The following ZBTB49 variants were observed in gnomAD, a reference collection of about 807,000 sequenced individuals.
The protein encoded by ZBTB49 is zinc finger and BTB domain containing 49.
In ZBTB49, 43 loss-of-function variants were observed where a neutral mutation model predicts 57.5. That is an observed-to-expected ratio of 0.75 (90% confidence interval 0.59 to 0.97). ZBTB49 has a LOEUF of 0.97. Among genes scored for constraint, ZBTB49 ranks in the 50% least tolerant of loss-of-function variants. ZBTB49 has a pLI of 0.00. For missense variants in ZBTB49, 938 were observed against 947.7 expected (o/e 0.99, Z 0.13); for synonymous variants, 369 against 362.1 (o/e 1.02, Z -0.22).
chr4:4,316,579 TG>T (rs1721205757), intron 7 of ZBTB49, among the ~76,000 whole-genome samples: 1 of 152,146 alleles, frequency 6.6e-6, no homozygotes, highest in East Asian at 1.9e-4. Context: ...GACAAGTAAT[TG>T]AGATGCCTAT....
At chr4:4,305,599 A>G (rs1180203402) in intron 3 of ZBTB49, among the ~76,000 whole-genome samples, 2 of 152,242 alleles carry the variant, frequency 1.3e-5, no homozygotes, top group African/African-American at 2.4e-5. Flanking sequence ...AGAGGAGCAC[A>G]TCTCCCAAAA....
Position 4,320,754 on chromosome 4 carries a change from G to A in ZBTB49, c.1736G>A (p.Arg579Gln), listed in dbSNP as rs756545398. The change falls in exon 8 of 8, where the codon CGG becomes CAG. Residue 579 changes from arginine (R) to glutamine (Q), a missense_variant. Physicochemically the swap from Arg to Gln is conservative, Grantham distance 43. Coordinates refer to ENST00000337872, the MANE Select transcript of ZBTB49 (RefSeq NM_145291.4). ...TGCTTTACCCGCTCTGCGGTGCTCC[G>A]GCGGCACAAGAAGATGCACTGCAAA... is the stretch of plus-strand genomic sequence containing the variant. ...NKCFTRSAVLRRHKKMHCKAG... is the reference protein window; with the variant it reads ...NKCFTRSAVLQRHKKMHCKAG... 17 of 1,614,218 alleles carry A rather than the reference G, an allele frequency of 1.1e-5. No homozygotes were observed. Among genetic ancestry groups the A allele is most frequent in the South Asian group, 8.8e-5 (8 of 91,082 alleles).
chr4:4,303,101 T>G lies in ZBTB49; in HGVS notation c.1255+10T>G. 1.9e-6 allele frequency: 3 copies of G among 1,577,390 alleles called. No homozygotes were observed. The highest frequency in any genetic ancestry group is 2.6e-6 in the Non-Finnish European group (3 of 1,160,332). On this transcript the variant is annotated intron_variant, in intron 3 of 7. Transcript: ENST00000337872. Reference sequence around the variant, plus strand: ...AAACGGTCTCATACAGGTAACTGATTCAGTACCCACAGGCAGAAGGGAAGG... The same window carrying G: ...AAACGGTCTCATACAGGTAACTGATGCAGTACCCACAGGCAGAAGGGAAGG...
chr4:4,299,853 G>A, intron 1 of ZBTB49, 74 bp from the exon 2 acceptor site: 5 of 1,375,606 alleles, frequency 3.6e-6, no homozygotes, highest in Non-Finnish European at 5.0e-6. Context: ...AGATCAATCA[G>A]TAAGTTTCAG....
Position 4,303,087 on chromosome 4 carries a change from T to C in ZBTB49, c.1251T>C (p.His417=). The C allele has an allele frequency of 2.5e-6, 4 of 1,596,360 alleles. No individual in the cohort carries two copies. Among genetic ancestry groups the C allele is most frequent in the Non-Finnish European group, 3.4e-6 (4 of 1,169,800 alleles). ...ACTTGGAGCTTCACAAACGGTCTCA[T>C]ACAGGTAACTGATTCAGTACCCACA... The part of the protein sequence containing the change: ...PSNLELHKRS[H]TGEKPFECNI... Residue 417 remains histidine, a synonymous_variant, in exon 3 of 8, where the codon CAT becomes CAC. Transcript: ENST00000337872.
chr4:4,303,825 A>G (rs572409788), intron 3 of ZBTB49, among the ~76,000 whole-genome samples: 42 of 150,914 alleles, frequency 2.8e-4, no homozygotes, highest in African/African-American at 9.8e-4. Flanking sequence ...GTTATACAAT[A>G]CATATATATT....
rs774750202 is a variant in ZBTB49 at position 4,300,035 on chromosome 4, G to A, written c.90G>A (p.Val30=). The A allele has an allele frequency of 4.0e-5, 65 of 1,614,038 alleles. No homozygotes were observed. Among genetic ancestry groups the A allele is most frequent in the Non-Finnish European group, 5.3e-5 (63 of 1,180,032 alleles). ...IQGLLCDCML[V]VKGVCFKAHK... ...GCCTGCTTTGTGACTGTATGTTGGTGGTAAAAGGAGTCTGCTTTAAAGCGC... is the reference window on the plus strand; with the variant it reads ...GCCTGCTTTGTGACTGTATGTTGGTAGTAAAAGGAGTCTGCTTTAAAGCGC... The change falls in exon 2 of 8, where the codon GTG becomes GTA. Residue 30 remains valine (V), a synonymous_variant. Coordinates refer to ENST00000337872, the MANE Select transcript of ZBTB49 (RefSeq NM_145291.4).
intron 4 of ZBTB49, among the ~76,000 whole-genome samples, chr4:4,308,823 GT>G (rs1720855488): frequency 6.6e-6 from 1 of 152,216 alleles, no homozygotes; most frequent in Non-Finnish European, 1.5e-5. Context: ...CGGGAACAGT[GT>G]GGGCAAAGAA....
At chr4:4,297,269 C>T (rs917865912) in intron 1 of ZBTB49, among the ~76,000 whole-genome samples, 3 of 152,074 alleles carry the variant, frequency 2.0e-5, no homozygotes, top group Non-Finnish European at 4.4e-5. Context: ...AGGGTTTCAC[C>T]ATGTTGGCCA....
chr4:4,303,752 C>CTGTGTG (rs1383765946), intron 3 of ZBTB49, among the ~76,000 whole-genome samples: 1 of 77,600 alleles, frequency 1.3e-5, no homozygotes, highest in African/African-American at 4.9e-5. Flanking sequence ...CTCTCTCTCT[C>CTGTGTG]TCTCTCTCTG....
chr4:4,300,328 G>A (rs1720421036), intron 2 of ZBTB49, among the ~76,000 whole-genome samples: 1 of 151,966 alleles, frequency 6.6e-6, no homozygotes, highest in Non-Finnish European at 1.5e-5. Context: ...AAATGAATTT[G>A]GGATGATTGA....
chr4:4,294,905 G>GTA, intron 1 of ZBTB49, among the ~76,000 whole-genome samples: 1 of 151,060 alleles, frequency 6.6e-6, no homozygotes, highest in East Asian at 1.9e-4. Flanking sequence ...GTGTGTGTGT[G>GTA]TGTGTGTGTG....
Position 4,302,209 on chromosome 4 carries a change from C to T in ZBTB49, c.373C>T (p.Pro125Ser), listed in dbSNP as rs372830091. Residue 125 changes from proline (P) to serine (S), a missense_variant, in exon 3 of 8, where the codon CCA becomes TCA. Physicochemically the swap from Pro to Ser is moderately conservative, Grantham distance 74 (BLOSUM62 -1). Coordinates refer to ENST00000337872, the MANE Select transcript of ZBTB49 (RefSeq NM_145291.4). ...TTTAAAATCAGCCACTGTAGTACAG[C>T]CACCTGGCATGCCTTGTAATAGTAC... The part of the protein sequence containing the change: ...TFLKSATVVQ[P>S]PGMPCNSTLS... The T allele has an allele frequency of 6.2e-7, 1 of 1,614,236 alleles. No homozygotes were observed. Among genetic ancestry groups the T allele is most frequent in the Non-Finnish European group, 8.5e-7 (1 of 1,180,042 alleles).
At chr4:4,292,150 G>A (rs982995871) in intron 1 of ZBTB49, among the ~76,000 whole-genome samples, 1 of 152,064 alleles carries the variant, frequency 6.6e-6, no homozygotes, top group Non-Finnish European at 1.5e-5. Flanking sequence ...GTGTGGTGGT[G>A]CATGCCTGTA....
At chr4:4,299,803 GTGTGTGTGAGAGAGAAAC>G in intron 1 of ZBTB49, 106 bp from the exon 2 acceptor site, 1 of 742,542 alleles carries the variant, frequency 1.3e-6, no homozygotes, top group Non-Finnish European at 2.2e-6. Flanking sequence ...GTGTGTGTGT[GTGTGTGTGAGAGAGAAAC>G]TGTGATGAGA....
At chr4:4,316,537 A>G (rs1400910951) in intron 7 of ZBTB49, among the ~76,000 whole-genome samples, 1 of 152,170 alleles carries the variant, frequency 6.6e-6, no homozygotes, top group Non-Finnish European at 1.5e-5. Context: ...TCCTATACAC[A>G]TGGCCTCTAA....
rs1721407167 is a variant in ZBTB49, at chr4:4,321,309, AC to A, written c.2293del (p.Gln765SerfsTer23). 6.2e-7 allele frequency: 1 copy of A among 1,610,042 alleles called. No individual in the cohort carries two copies. The highest frequency in any genetic ancestry group is 1.3e-5 in the African/African-American group (1 of 74,916). On this transcript the variant is annotated frameshift_variant, in exon 8 of 8. Coordinates refer to ENST00000337872, the MANE Select transcript of ZBTB49 (RefSeq NM_145291.4). LOFTEE classifies it high-confidence loss of function. ...ACGCTGCAGAATGAAAACGAGTTAG[AC>A]CAGTGATGTACCGCGCTTCTCCACG... Reference protein sequence around the residue: ...MKTLQNENELDQ With the variant: ...MKTLQNENELXQ
In ZBTB49 at chr4:4,321,237, AG is replaced by A; in HGVS notation, c.2222del (p.Gly741ValfsTer7). 6.2e-7 allele frequency: 1 copy of A among 1,614,140 alleles called. No homozygotes were observed. The highest frequency in any genetic ancestry group is 1.1e-5 in the South Asian group (1 of 91,078). On this transcript the variant is annotated frameshift_variant, in exon 8 of 8. Transcript: ENST00000337872. LOFTEE classifies it high-confidence loss of function. ...RASSTTYRNS[E>X]GQFFSSMTLW... ...TCTTCCACCACTTATAGGAACTCAG[AG>A]GGTCAGTTTTTCTCCAGCATGACTC...
At position 4,319,271 on chromosome 4, in the gene ZBTB49, T is replaced by TA. The variant is rs200122058; in HGVS notation, c.1622-1359dup. ...ATCCAGTTTGATTATTCAAAGGCTT[T>TA]AAAAAAAAAATAGCCTAGCCATTGC... On this transcript the variant is annotated intron_variant, in intron 7 of 7. Coordinates refer to ENST00000337872, the MANE Select transcript of ZBTB49 (RefSeq NM_145291.4). 8.9e-3 allele frequency among the ~76,000 whole-genome samples: 1,329 copies of TA among 149,750 alleles called. 17 individuals carry two copies. Among genetic ancestry groups the TA allele is most frequent in the Middle Eastern group, 0.031 (9 of 292 alleles).
Sources: gnomAD v4.1 joint callset for allele counts (sites outside exome capture counted in the v4.1 genomes callset) on GRCh38, gnomAD v4.1.1 for gene constraint, MANE v1.5 for transcripts, NCBI Gene and HGNC (gene_info 2026-07-23, HGNC 2026-07-21) for gene names.